GNA14: variants seen among roughly 807,000 people sequenced by gnomAD.
The protein encoded by GNA14 is G protein subunit alpha 14.
Under a neutral mutation model 42.0 loss-of-function variants are expected in GNA14, and 50 were observed. The observed-to-expected ratio is 1.19, with a 90% CI of 0.95 to 1.51. GNA14 has a LOEUF of 1.51. GNA14 is among the 40% of genes most tolerant of loss of function. The pLI, the probability that GNA14 is intolerant of heterozygous loss-of-function variation, is 0.00. For synonymous variants in GNA14, 173 were observed against 163.1 expected (o/e 1.06, Z -0.46); for missense variants, 473 against 446.2 (o/e 1.06, Z -0.54).
At chr9:77,639,328 C>G (rs748427189) in intron 1 of GNA14, among the ~76,000 whole-genome samples, 2 of 152,192 alleles carry the variant, frequency 1.3e-5, no homozygotes, top group African/African-American at 2.4e-5. Flanking sequence ...CTAAAAATGA[C>G]AACTCATTTA....
chr9:77,472,328 C>T (rs1054967977), intron 2 of GNA14, among the ~76,000 whole-genome samples: 9 of 152,118 alleles, frequency 5.9e-5, no homozygotes, highest in Non-Finnish European at 1.0e-4. Flanking sequence ...CTCTCTGTTC[C>T]CTGAATCTTT....
chr9:77,424,248 A>G (rs1835419090), intron 6 of GNA14, 79 bp from the exon 7 acceptor site: 1 of 986,254 alleles, frequency 1.0e-6, no homozygotes, highest in Non-Finnish European at 1.5e-6. Flanking sequence ...TTTGAGACAG[A>G]GTCTCGCTCT....
intron 1 of GNA14, among the ~76,000 whole-genome samples, chr9:77,642,836 T>G (rs1824290071): frequency 6.6e-6 from 1 of 152,158 alleles, no homozygotes; most frequent in Admixed American, 6.5e-5. Context: ...AAGGGATCCT[T>G]CATATGATCC....
Position 77,514,064 on chromosome 9 carries a change from C to A in GNA14, c.309+15005G>T, listed in dbSNP as rs919730148. 9.9e-5 allele frequency among the ~76,000 whole-genome samples: 15 copies of A among 152,204 alleles called. No homozygotes were observed. In the East Asian group the frequency reaches 2.5e-3, roughly 26 times the overall value. On this transcript the variant is annotated intron_variant, in intron 2 of 6. Transcript: ENST00000341700. ...CTGGAAGGGTACATTTGCAGCTCAA[C>A]AAACACATCCCAAGAGCTAAGCATG...
chr9:77,447,320 C>G (rs1835837390), intron 2 of GNA14, among the ~76,000 whole-genome samples: 1 of 152,214 alleles, frequency 6.6e-6, no homozygotes, highest in Admixed American at 6.5e-5. Flanking sequence ...GTGACTCTCT[C>G]TTCAAGGTCC....
At chr9:77,484,023 T>G (rs1427327131) in intron 2 of GNA14, among the ~76,000 whole-genome samples, 10 of 152,150 alleles carry the variant, frequency 6.6e-5, no homozygotes, top group Admixed American at 6.5e-4. Context: ...TTTAAGACAT[T>G]CAAGAATACA....
intron 2 of GNA14, among the ~76,000 whole-genome samples, chr9:77,467,000 GGTGTGTGTGTGTGTGT>G (rs59321037): frequency 2.8e-5 from 4 of 143,506 alleles, no homozygotes; most frequent in Non-Finnish European, 4.6e-5. Flanking sequence ...TTTACCACTC[GGTGTGTGTGTGTGTGT>G]GTGTGTGTGT....
chr9:77,638,153 C>T (rs976006440), intron 1 of GNA14, among the ~76,000 whole-genome samples: 4 of 152,168 alleles, frequency 2.6e-5, no homozygotes, highest in African/African-American at 9.7e-5. Flanking sequence ...ATCATTCTGG[C>T]TTTCAGTGCT....
chr9:77,486,739 A>G (rs1242909294), intron 2 of GNA14, among the ~76,000 whole-genome samples: 1 of 152,188 alleles, frequency 6.6e-6, no homozygotes, highest in Non-Finnish European at 1.5e-5. Context: ...GAGATAGATG[A>G]GGATTGGCCA....
chr9:77,545,630 G>A (rs1837709928), intron 1 of GNA14, among the ~76,000 whole-genome samples: 1 of 152,048 alleles, frequency 6.6e-6, no homozygotes, highest in Non-Finnish European at 1.5e-5. Context: ...CTTAAAACAG[G>A]CCTTACCATT....
At chr9:77,492,023 A>G (rs1836784534) in intron 2 of GNA14, among the ~76,000 whole-genome samples, 1 of 152,210 alleles carries the variant, frequency 6.6e-6, no homozygotes, top group South Asian at 2.1e-4. Flanking sequence ...AAATCCACAA[A>G]TATTTGGATA....
At chr9:77,430,679 G>C (rs1179533020) in intron 4 of GNA14, among the ~76,000 whole-genome samples, 1 of 152,194 alleles carries the variant, frequency 6.6e-6, no homozygotes, top group Non-Finnish European at 1.5e-5. Flanking sequence ...TAATTGTTAG[G>C]AGGAACAAGG....
intron 4 of GNA14, among the ~76,000 whole-genome samples, chr9:77,430,570 C>T (rs1296745903): frequency 6.6e-6 from 1 of 152,106 alleles, no homozygotes; most frequent in Non-Finnish European, 1.5e-5. Flanking sequence ...CCAAACACAG[C>T]AATTCTGGAG....
At chr9:77,585,189 C>T (rs995003025) in intron 1 of GNA14, among the ~76,000 whole-genome samples, 9 of 152,184 alleles carry the variant, frequency 5.9e-5, no homozygotes, top group Non-Finnish European at 8.8e-5. Flanking sequence ...GGGAAGAGTG[C>T]GTATGAGACC....
chr9:77,584,564 C>T (rs1823272614), intron 1 of GNA14, among the ~76,000 whole-genome samples: 1 of 145,634 alleles, frequency 6.9e-6, no homozygotes, highest in Non-Finnish European at 1.5e-5. Context: ...GCAGGAAGAG[C>T]CAGCAAGCCC....
At chr9:77,647,555 C>A in intron 1 of GNA14, 115 bp downstream of exon 1, 1 of 1,211,716 alleles carries the variant, frequency 8.3e-7, no homozygotes. Flanking sequence ...GGGAGAAGGA[C>A]GAAGCCGCCC....
In GNA14 at chr9:77,630,710, GT is replaced by G. The variant is rs376071896; in HGVS notation, c.124+16959del. On this transcript the variant is annotated intron_variant, in intron 1 of 6. Transcript: ENST00000341700. ...GAGCATTAAAGCCTTAGAAAAACTA[GT>G]TTTTTTTAGCTTATATTCCGCTCTA... 5.2e-3 allele frequency among the ~76,000 whole-genome samples: 792 copies of G among 152,034 alleles called. 9 individuals are homozygous for G. Among genetic ancestry groups the G allele is most frequent in the African/African-American group, 0.018 (751 of 41,474 alleles).
intron 1 of GNA14, among the ~76,000 whole-genome samples, chr9:77,623,873 G>GT (rs140769688): frequency 1.3e-5 from 2 of 152,150 alleles, no homozygotes; most frequent in African/African-American, 4.8e-5. Flanking sequence ...AAATGCAGGA[G>GT]TTTTTTTCCA....
At chr9:77,584,511 C>G (rs908106536) in intron 1 of GNA14, among the ~76,000 whole-genome samples, 1 of 151,330 alleles carries the variant, frequency 6.6e-6, no homozygotes, top group Non-Finnish European at 1.5e-5. Flanking sequence ...TGACTTACCC[C>G]CCACCCCCCA....
Sources: gnomAD v4.1 joint callset for allele counts (sites outside exome capture counted in the v4.1 genomes callset) on GRCh38, gnomAD v4.1.1 for gene constraint, MANE v1.5 for transcripts, NCBI Gene and HGNC (gene_info 2026-07-23, HGNC 2026-07-21) for gene names.